The following NPAS3 variants were observed in gnomAD, a reference collection of about 807,000 sequenced individuals.
NPAS3 encodes neuronal PAS domain protein 3.
In NPAS3, 14 loss-of-function variants were observed where a neutral mutation model predicts 73.1. The ratio of observed to expected loss-of-function variants is 0.19; its 90% CI spans 0.13 to 0.30. The LOEUF is 0.30. Ranked by LOEUF, NPAS3 falls within the 10% of genes least tolerant of loss-of-function variation. The pLI, the probability that NPAS3 is intolerant of heterozygous loss-of-function variation, is 1.00. For synonymous variants in NPAS3, 620 were observed against 541.5 expected (o/e 1.14, Z -2.01); for missense variants, 1,096 against 1,250.0 (o/e 0.88, Z 1.86).
At chr14:33,340,387 T>C (rs553125224) in intron 3 of NPAS3, among the ~76,000 whole-genome samples, 146 of 152,122 alleles carry the variant, frequency 9.6e-4, no homozygotes, top group African/African-American at 3.3e-3. Flanking sequence ...CCCAACTACC[T>C]GGGAGGCTGA....
intron 4 of NPAS3, among the ~76,000 whole-genome samples, chr14:33,501,874 A>AT (rs2052535202): frequency 6.6e-6 from 1 of 151,972 alleles, no homozygotes; most frequent in African/African-American, 2.4e-5. Context: ...AAACAAAGAG[A>AT]TAACTGCGTT....
chr14:33,133,809 T>C (rs898141303), intron 2 of NPAS3, among the ~76,000 whole-genome samples: 2 of 152,134 alleles, frequency 1.3e-5, no homozygotes, highest in African/African-American at 2.4e-5. Context: ...GGTGACATGA[T>C]ATAGTGTCCA....
rs34974201 is a variant in NPAS3, at chr14:33,097,825, GT to G, written c.140+41838del. Among the ~76,000 whole-genome samples, 2,753 of 151,974 alleles carry G rather than the reference GT, an allele frequency of 0.018. 279 individuals are homozygous for G. In the East Asian group the frequency reaches 0.29, roughly 16 times the overall value. ...AGTTTTGTGAAGCACCTTTTCGTGT[GT>G]TTTTTTACTAATTTTTTTCTACTGA... is the stretch of plus-strand genomic sequence containing the variant. On this transcript the variant is annotated intron_variant, in intron 2 of 11. Transcript: ENST00000356141.
At chr14:33,793,861 T>A (rs1210360625) in intron 9 of NPAS3, 36 bp from the exon 10 acceptor site, 2 of 1,593,452 alleles carry the variant, frequency 1.3e-6, no homozygotes, top group Non-Finnish European at 1.7e-6. Context: ...GATCCCAGTC[T>A]TAATACAATG....
In NPAS3 at chr14:33,566,512, C is replaced by T. The variant is rs530234091; in HGVS notation, c.558+6302C>T. Among the ~76,000 whole-genome samples, 372 of 152,092 alleles carry T rather than the reference C, an allele frequency of 2.4e-3. 2 individuals are homozygous for T. The highest frequency in any genetic ancestry group is 7.1e-3 in the South Asian group (34 of 4,816). On this transcript the variant is annotated intron_variant, in intron 5 of 11. Transcript: ENST00000356141. Reference sequence around the variant, plus strand: ...TCTTTATTTCATCCATAATTATGAACGAGCCAGGCAGAAGAATACAGCTCT... The same window carrying T: ...TCTTTATTTCATCCATAATTATGAATGAGCCAGGCAGAAGAATACAGCTCT...
chr14:33,333,393 C>T (rs2140284241), intron 3 of NPAS3, among the ~76,000 whole-genome samples: 1 of 152,310 alleles, frequency 6.6e-6, no homozygotes, highest in South Asian at 2.1e-4. Context: ...TTTTTATATA[C>T]TACTTTAATT....
At chr14:33,332,238 C>T (rs1050486780) in intron 3 of NPAS3, among the ~76,000 whole-genome samples, 1 of 152,164 alleles carries the variant, frequency 6.6e-6, no homozygotes, top group African/African-American at 2.4e-5. Context: ...GGTTCAGTTG[C>T]TTGGCTTGAC....
At chr14:32,997,225 T>A (rs2038614947) in intron 1 of NPAS3, among the ~76,000 whole-genome samples, 1 of 152,230 alleles carries the variant, frequency 6.6e-6, no homozygotes, top group Admixed American at 6.5e-5. Context: ...TGTACCTCCA[T>A]TGTTTCTAGG....
intron 3 of NPAS3, among the ~76,000 whole-genome samples, chr14:33,326,715 C>G (rs536783372): frequency 6.6e-6 from 1 of 152,210 alleles, no homozygotes; most frequent in African/African-American, 2.4e-5. Flanking sequence ...GAAGAATGCC[C>G]AAGAGACGTG....
At chr14:32,976,841 G>T (rs528526546) in intron 1 of NPAS3, among the ~76,000 whole-genome samples, 1 of 152,268 alleles carries the variant, frequency 6.6e-6, no homozygotes, top group South Asian at 2.1e-4. Flanking sequence ...AAGAATCAAG[G>T]TAACTTCAGT....
At chr14:33,116,622 C>A (rs1042665909) in intron 2 of NPAS3, among the ~76,000 whole-genome samples, 2 of 152,020 alleles carry the variant, frequency 1.3e-5, no homozygotes, top group African/African-American at 4.8e-5. Context: ...AGAATTTTCC[C>A]ACATGAATGT....
In NPAS3 at chr14:32,992,387, A is replaced by G. The variant is rs540337215; in HGVS notation, c.50+53021A>G. ...TGTTCCGATATGTTCTAGTTATGGTAGAAATTTCATAGGTATTTAATTTCC... is the reference window on the plus strand; with the variant it reads ...TGTTCCGATATGTTCTAGTTATGGTGGAAATTTCATAGGTATTTAATTTCC... On this transcript the variant is annotated intron_variant, in intron 1 of 11. Coordinates refer to ENST00000356141, the Ensembl canonical transcript of NPAS3. Among the ~76,000 whole-genome samples, 9 of 152,338 alleles carry G rather than the reference A, an allele frequency of 5.9e-5. No individual in the cohort carries two copies. The South Asian group carries it at 1.9e-3, about 32-fold the overall frequency.
chr14:33,628,223 G>A (rs1595309551), intron 5 of NPAS3, among the ~76,000 whole-genome samples: 1 of 152,264 alleles, frequency 6.6e-6, no homozygotes, highest in South Asian at 2.1e-4. Context: ...ATTTGCTATG[G>A]AGATCTGCTT....
At chr14:33,288,564 C>A (rs950357415) in intron 3 of NPAS3, among the ~76,000 whole-genome samples, 3 of 151,776 alleles carry the variant, frequency 2.0e-5, no homozygotes, top group African/African-American at 7.3e-5. Context: ...AGTGAAAGAA[C>A]CCAGAGGCTA....
At chr14:32,983,033 AG>A (rs1210045861) in intron 1 of NPAS3, among the ~76,000 whole-genome samples, 5 of 152,196 alleles carry the variant, frequency 3.3e-5, no homozygotes, top group African/African-American at 4.8e-5. Context: ...AGGAAAAAAA[AG>A]TTTGTTAGGT....
Position 33,110,355 on chromosome 14 carries a change from G to C in NPAS3, c.140+54361G>C, listed in dbSNP as rs577542102. On this transcript the variant is annotated intron_variant, in intron 2 of 11. Transcript: ENST00000356141. Reference sequence around the variant, plus strand: ...AACTCAAGTTCCACAGTATTAAAAAGTTATTTAAAAGAAGGTTTCCAGGCT... The same window carrying C: ...AACTCAAGTTCCACAGTATTAAAAACTTATTTAAAAGAAGGTTTCCAGGCT... 2.0e-5 allele frequency among the ~76,000 whole-genome samples: 3 copies of C among 152,162 alleles called. No individual in the cohort carries two copies. The South Asian group carries it at 6.2e-4, about 32-fold the overall frequency.
chr14:33,521,513 T>TAAAA (rs35106729), intron 4 of NPAS3, among the ~76,000 whole-genome samples: 78 of 133,046 alleles, frequency 5.9e-4, no homozygotes, highest in South Asian at 2.5e-3. Context: ...TGATCTGCTT[T>TAAAA]AAAAAAAAAA....
At chr14:33,744,316 G>C (rs192251698) in intron 7 of NPAS3, among the ~76,000 whole-genome samples, 1 of 152,270 alleles carries the variant, frequency 6.6e-6, no homozygotes, top group Non-Finnish European at 1.5e-5. Flanking sequence ...GGAATAAGGA[G>C]GCCTGAGGAG....
At chr14:33,062,349 G>A (rs1192919362) in intron 2 of NPAS3, among the ~76,000 whole-genome samples, 1 of 151,674 alleles carries the variant, frequency 6.6e-6, no homozygotes, top group African/African-American at 2.4e-5. Context: ...TTAGTTTAAA[G>A]TTGTTTTTTA....
Sources: gnomAD v4.1 joint callset for allele counts (sites outside exome capture counted in the v4.1 genomes callset) on GRCh38, gnomAD v4.1.1 for gene constraint, MANE v1.5 for transcripts, NCBI Gene and HGNC (gene_info 2026-07-23, HGNC 2026-07-21) for gene names.